PKHD1: variants seen among roughly 807,000 people sequenced by gnomAD.
PKHD1 encodes PKHD1 ciliary IPT domain containing fibrocystin/polyductin.
Under a neutral mutation model 412.0 loss-of-function variants are expected in PKHD1, and 291 were observed. The ratio of observed to expected loss-of-function variants is 0.71; its 90% CI spans 0.64 to 0.78. PKHD1 has a LOEUF of 0.78. Among genes scored for constraint, PKHD1 ranks in the 30% least tolerant of loss-of-function variants. The pLI, the probability that PKHD1 is intolerant of heterozygous loss-of-function variation, is 0.00. For synonymous variants in PKHD1, 1,777 were observed against 1,821.5 expected, an observed-to-expected ratio of 0.98 and a Z score of 0.62; for missense variants, 4,825 against 4,950.7, an observed-to-expected ratio of 0.97 and a Z score of 0.76.
chr6:51,903,751 G>T (rs1781634461), intron 42 of PKHD1, 24 bp from the exon 43 acceptor site: 13 of 1,598,014 alleles, frequency 8.1e-6, no homozygotes, highest in Non-Finnish European at 1.0e-5. Context: ...AAATCCAGGG[G>T]ATCCACAAAC....
intron 60 of PKHD1, among the ~76,000 whole-genome samples, chr6:51,685,788 A>C (rs1420953384): frequency 6.6e-6 from 1 of 152,154 alleles, no homozygotes; most frequent in Non-Finnish European, 1.5e-5. Flanking sequence ...AAGAATCATT[A>C]CCAGGCCATG....
intron 40 of PKHD1, among the ~76,000 whole-genome samples, chr6:51,907,435 T>C (rs1782282482): frequency 6.6e-6 from 1 of 152,126 alleles, no homozygotes; most frequent in South Asian, 2.1e-4. Flanking sequence ...CCATATCTAC[T>C]TCTGTAGCAA....
rs1213614123 is a variant in PKHD1, at chr6:51,968,013, CT to C, written c.5752-7988del. 4.6e-5 allele frequency among the ~76,000 whole-genome samples: 7 copies of C among 152,054 alleles called. No homozygotes were observed. The East Asian group carries it at 1.2e-3, about 25-fold the overall frequency. ...TCCGCAGTTTCATACACCAGGAAAC[CT>C]TTTTTTTCCTCCTTTGCTTTTTTCC... On this transcript the variant is annotated intron_variant, in intron 35 of 66. Transcript: ENST00000371117.
chr6:51,904,522 C>A (rs926341812), intron 41 of PKHD1, among the ~76,000 whole-genome samples: 1 of 152,146 alleles, frequency 6.6e-6, no homozygotes, highest in East Asian at 1.9e-4. Context: ...TAAGGGCTAT[C>A]AATAAAGAGC....
At position 52,026,298 on chromosome 6, in the gene PKHD1, C is replaced by A. The variant is rs1338259120; in HGVS notation, c.3629-117G>T. 4 of 975,456 alleles carry A rather than the reference C, an allele frequency of 4.1e-6. No individual in the cohort carries two copies. In the Admixed American group the frequency reaches 7.9e-5, roughly 19 times the overall value. 60.4% of individuals were successfully genotyped at this position (975,456 alleles called of 1,614,324 possible). A position where few individuals can be genotyped will look rare whatever the true frequency, so the allele number is the denominator to read the frequency against. On this transcript the variant is annotated intron_variant, in intron 31 of 66. Coordinates refer to ENST00000371117, the MANE Select transcript of PKHD1 (RefSeq NM_138694.4). ...GAAGGTAGGGCATGTGTTAGTGAAA[C>A]CTCAATTATTTTTTCTCACCCCCAC...
At chr6:51,732,807 A>G (rs1388441715) in intron 60 of PKHD1, among the ~76,000 whole-genome samples, 4 of 152,220 alleles carry the variant, frequency 2.6e-5, no homozygotes, top group African/African-American at 9.6e-5. Context: ...TAGAATTGAA[A>G]GTAGAGTCTC....
At chr6:51,692,371 T>A (rs1778278791) in intron 60 of PKHD1, among the ~76,000 whole-genome samples, 1 of 152,088 alleles carries the variant, frequency 6.6e-6, no homozygotes, top group Non-Finnish European at 1.5e-5. Context: ...AATCAACTCA[T>A]CTTCCATTCA....
chr6:52,042,686 G>A (rs1421169093), intron 27 of PKHD1, among the ~76,000 whole-genome samples, 173 bp downstream of exon 27: 2 of 152,196 alleles, frequency 1.3e-5, no homozygotes, highest in Non-Finnish European at 2.9e-5. Context: ...TGTGGCAAGT[G>A]AGTTCATTTA....
chr6:51,707,704 T>C (rs1326259468), intron 60 of PKHD1, among the ~76,000 whole-genome samples: 1 of 152,134 alleles, frequency 6.6e-6, no homozygotes, highest in East Asian at 1.9e-4. Context: ...ATGCCACTTC[T>C]CTGAAACTGC....
intron 66 of PKHD1, among the ~76,000 whole-genome samples, chr6:51,623,493 G>C (rs1766875872): frequency 1.3e-5 from 2 of 151,948 alleles, no homozygotes; most frequent in South Asian, 4.2e-4. Flanking sequence ...GGTAGTTAAT[G>C]GTTGAATCTT....
chr6:52,049,917 C>T (rs1203606685), intron 22 of PKHD1, among the ~76,000 whole-genome samples: 1 of 152,190 alleles, frequency 6.6e-6, no homozygotes, highest in Non-Finnish European at 1.5e-5. Context: ...CACCAAGGAA[C>T]TTATTAAAAA....
intron 35 of PKHD1, among the ~76,000 whole-genome samples, chr6:51,976,944 TAAAAAA>T (rs10671492): frequency 1.1e-5 from 1 of 93,546 alleles, no homozygotes; most frequent in African/African-American, 4.6e-5. Context: ...TGAGACTCCA[TAAAAAA>T]AAAAAAAAAA....
chr6:51,678,052 A>C (rs932803406), intron 60 of PKHD1, among the ~76,000 whole-genome samples: 1 of 152,176 alleles, frequency 6.6e-6, no homozygotes, highest in African/African-American at 2.4e-5. Context: ...ACATCAAAGA[A>C]TATGGTCCCA....
rs753629964 is a variant in PKHD1 at position 52,083,268 on chromosome 6, G to GA, written c.53-14dup. 112 of 1,563,430 alleles carry GA rather than the reference G, an allele frequency of 7.2e-5. No homozygotes were observed. The highest frequency in any genetic ancestry group is 1.0e-4 in the South Asian group (9 of 90,002). On this transcript the variant is annotated splice_polypyrimidine_tract_variant and intron_variant, in intron 2 of 66. Transcript: ENST00000371117. ...CTCAGGTGACGTACTGTAAGTAAGT[G>GA]AAAAAAAACATTGGTTTTGAAGGTC... is the stretch of plus-strand genomic sequence containing the variant.
intron 49 of PKHD1, among the ~76,000 whole-genome samples, chr6:51,849,446 T>C (rs1771790059): frequency 6.6e-6 from 1 of 152,196 alleles, no homozygotes; most frequent in Admixed American, 6.5e-5. Flanking sequence ...TATTTCTGGT[T>C]CTAGGTCCTT....
At chr6:51,950,656 C>T (rs1404104076) in intron 36 of PKHD1, among the ~76,000 whole-genome samples, 2 of 152,092 alleles carry the variant, frequency 1.3e-5, no homozygotes, top group Non-Finnish European at 2.9e-5. Flanking sequence ...TGACTGGGGG[C>T]TACACTTTGA....
At chr6:51,694,234 T>G (rs73442803) in intron 60 of PKHD1, among the ~76,000 whole-genome samples, 31,492 of 151,958 alleles carry the variant, frequency 0.21, 4,345 homozygotes, top group African/African-American at 0.39. Flanking sequence ...CCAAAAAAAT[T>G]CTACTACATT....
At chr6:51,649,347 C>A in intron 61 of PKHD1, 127 bp from the exon 62 acceptor site, 1 of 730,942 alleles carries the variant, frequency 1.4e-6, no homozygotes, top group Admixed American at 2.0e-5. Flanking sequence ...GAAAATAATA[C>A]ATTGTGTAGT....
intron 36 of PKHD1, among the ~76,000 whole-genome samples, chr6:51,937,429 T>C (rs1307776179): frequency 6.6e-6 from 1 of 152,186 alleles, no homozygotes; most frequent in Non-Finnish European, 1.5e-5. Context: ...CTTCAAGTAT[T>C]TTACAGAGTT....
Sources: allele counts gnomAD v4.1 joint callset (sites outside exome capture counted in the v4.1 genomes callset), GRCh38; gene constraint gnomAD v4.1.1; transcripts MANE v1.5; gene names NCBI Gene and HGNC (gene_info 2026-07-23, HGNC 2026-07-21).